The following GRM5 variants were observed in gnomAD, a reference collection of about 807,000 sequenced individuals.
GRM5 encodes the protein glutamate metabotropic receptor 5, also known as metabotropic glutamate receptor 5.
In GRM5, 19 loss-of-function variants were observed where a neutral mutation model predicts 83.1. The ratio of observed to expected loss-of-function variants is 0.23; its 90% CI spans 0.16 to 0.34. The LOEUF (loss-of-function observed/expected upper bound fraction) is 0.34, where lower values mean the gene tolerates loss of function less well. Among genes scored for constraint, GRM5 ranks in the 10% least tolerant of loss-of-function variants. The pLI is 1.00. For missense variants in GRM5, 1,160 were observed against 1,588.3 expected (o/e 0.73, Z 4.58); for synonymous variants, 675 against 633.6 (o/e 1.07, Z -0.98).
chr11:89,017,562 C>T (rs1940888871), intron 2 of GRM5, among the ~76,000 whole-genome samples: 1 of 152,114 alleles, frequency 6.6e-6, no homozygotes, highest in Non-Finnish European at 1.5e-5. Context: ...TTCCAACAAC[C>T]TTTCAAGAGA....
At chr11:89,057,531 A>C (rs1941904826) in intron 1 of GRM5, among the ~76,000 whole-genome samples, 1 of 152,226 alleles carries the variant, frequency 6.6e-6, no homozygotes, top group Non-Finnish European at 1.5e-5. Flanking sequence ...GCAGTTCAAT[A>C]GAGCTCACTA....
At chr11:88,521,012 G>T (rs1440740369) in intron 9 of GRM5, among the ~76,000 whole-genome samples, 1 of 152,104 alleles carries the variant, frequency 6.6e-6, no homozygotes, top group Admixed American at 6.5e-5. Flanking sequence ...ACTGGAGGGG[G>T]ACTAGAGAGC....
rs145217010 is a variant in GRM5, at chr11:88,737,555, C to T, written c.912-84152G>A. Among the ~76,000 whole-genome samples, 408 of 152,072 alleles carry T rather than the reference C, an allele frequency of 2.7e-3. 2 individuals are homozygous for T. The highest frequency in any genetic ancestry group is 9.0e-3 in the African/African-American group (373 of 41,522). On this transcript the variant is annotated intron_variant, in intron 3 of 9. Coordinates refer to ENST00000305447, the MANE Select transcript of GRM5 (RefSeq NM_001143831.3). The stretch of plus-strand genomic sequence containing the variant: ...ATGCTTATGAATGGAACAATAATTA[C>T]TGATTTTTTTGAAGCCCAAGTATAG...
At chr11:88,791,837 AGT>A (rs1209022399) in intron 3 of GRM5, among the ~76,000 whole-genome samples, 3 of 152,142 alleles carry the variant, frequency 2.0e-5, no homozygotes, top group Non-Finnish European at 4.4e-5. Context: ...TCATTTAATC[AGT>A]GTTTACCTTG....
At chr11:88,824,649 ATCTAATGCTACC>A (rs1000390661) in intron 3 of GRM5, among the ~76,000 whole-genome samples, 7 of 152,152 alleles carry the variant, frequency 4.6e-5, no homozygotes, top group Non-Finnish European at 8.8e-5. Context: ...TCCTATGAGA[ATCTAATGCTACC>A]ACTGATCTGA....
intron 4 of GRM5, among the ~76,000 whole-genome samples, chr11:88,648,596 A>G (rs1253340551): frequency 6.9e-6 from 1 of 145,498 alleles, no homozygotes; most frequent in Non-Finnish European, 1.5e-5. Flanking sequence ...TGGCACATGT[A>G]TACATATGTA....
intron 3 of GRM5, among the ~76,000 whole-genome samples, chr11:88,766,120 G>A (rs1194144677): frequency 1.3e-5 from 2 of 151,828 alleles, no homozygotes; most frequent in African/African-American, 4.8e-5. Flanking sequence ...TATTAAAATG[G>A]CCATATTGCC....
chr11:88,723,745 G>A (rs1941605306), intron 3 of GRM5, among the ~76,000 whole-genome samples: 1 of 152,028 alleles, frequency 6.6e-6, no homozygotes, highest in Non-Finnish European at 1.5e-5. Context: ...ATAGCTCCTA[G>A]CATGATCCTT....
At chr11:88,723,214 A>ATTTC (rs896203276) in intron 3 of GRM5, among the ~76,000 whole-genome samples, 2 of 151,120 alleles carry the variant, frequency 1.3e-5, no homozygotes, top group South Asian at 2.1e-4. Flanking sequence ...TTGATAGCTC[A>ATTTC]TTTCTTTTCA....
rs1207636190 is a variant in GRM5 at position 88,987,774 on chromosome 11, C to T, written c.661+59438G>A. 8.3e-4 allele frequency among the ~76,000 whole-genome samples: 126 copies of T among 151,116 alleles called. 1 individual carries two copies. The highest frequency in any genetic ancestry group is 2.3e-3 in the African/African-American group (96 of 41,052). On this transcript the variant is annotated intron_variant, in intron 2 of 9. Coordinates refer to ENST00000305447, the MANE Select transcript of GRM5 (RefSeq NM_001143831.3). ...CACTGACACCTCACACGGCAGGGTACTCCAACAGACCTGCAGCTGAGGGTC... is the reference window on the plus strand; with the variant it reads ...CACTGACACCTCACACGGCAGGGTATTCCAACAGACCTGCAGCTGAGGGTC...
At chr11:88,781,068 C>T (rs1942965361) in intron 3 of GRM5, among the ~76,000 whole-genome samples, 1 of 150,684 alleles carries the variant, frequency 6.6e-6, no homozygotes, top group Non-Finnish European at 1.5e-5. Context: ...GCTGGAAAAA[C>T]ACATAAATTA....
intron 3 of GRM5, among the ~76,000 whole-genome samples, chr11:88,773,946 G>A (rs1025319029): frequency 6.6e-6 from 1 of 152,030 alleles, no homozygotes; most frequent in Admixed American, 6.6e-5. Context: ...CTCTTTTTTG[G>A]TTCCATATGA....
chr11:88,938,684 T>A (rs531233293), intron 2 of GRM5, among the ~76,000 whole-genome samples: 176 of 151,772 alleles, frequency 1.2e-3, no homozygotes, highest in Non-Finnish European at 1.9e-3. Flanking sequence ...ACACTGTTTA[T>A]CTACTCACTG....
intron 2 of GRM5, among the ~76,000 whole-genome samples, chr11:88,903,664 A>G (rs1453911461): frequency 2.0e-5 from 3 of 152,214 alleles, no homozygotes; most frequent in Non-Finnish European, 2.9e-5. Context: ...CAAATTCAAC[A>G]TTCTCACTTA....
chr11:88,611,013 C>T (rs898584270), intron 4 of GRM5, among the ~76,000 whole-genome samples: 1 of 152,040 alleles, frequency 6.6e-6, no homozygotes, highest in African/African-American at 2.4e-5. Context: ...TGTGGTAAAT[C>T]ACATTTATTG....
chr11:88,687,909 C>T (rs1591441098), intron 3 of GRM5, among the ~76,000 whole-genome samples: 3 of 152,018 alleles, frequency 2.0e-5, no homozygotes, highest in East Asian at 1.9e-4. Flanking sequence ...AACTCTGTTA[C>T]AATTGCAATC....
chr11:88,579,707 G>A lies in GRM5; in HGVS notation c.1690+10894C>T, dbSNP rs550562090. Among the ~76,000 whole-genome samples the A allele has an allele frequency of 1.4e-4, 21 of 152,142 alleles. 1 individual carries two copies. The highest frequency in any genetic ancestry group is 2.8e-4 in the Non-Finnish European group (19 of 68,016). On this transcript the variant is annotated intron_variant, in intron 7 of 9. Coordinates refer to ENST00000305447, the MANE Select transcript of GRM5 (RefSeq NM_001143831.3). ...ACCAGATGAAGTGAAGGGAAAAGTA[G>A]GTCAGACACATGACAGAAGACCAGG...
At chr11:89,039,847 G>A (rs1339670015) in intron 2 of GRM5, among the ~76,000 whole-genome samples, 1 of 152,132 alleles carries the variant, frequency 6.6e-6, no homozygotes, top group African/African-American at 2.4e-5. Context: ...TGTCACCCAG[G>A]CTGAGTGCAG....
intron 4 of GRM5, among the ~76,000 whole-genome samples, chr11:88,610,455 T>A (rs572748571): frequency 6.6e-6 from 1 of 152,268 alleles, no homozygotes; most frequent in East Asian, 1.9e-4. Flanking sequence ...GTATTCCTAG[T>A]TATTCCTTAT....
Sources: gnomAD v4.1 joint callset for allele counts (sites outside exome capture counted in the v4.1 genomes callset) on GRCh38, gnomAD v4.1.1 for gene constraint, MANE v1.5 for transcripts, NCBI Gene and HGNC (gene_info 2026-07-23, HGNC 2026-07-21) for gene names.